The following MUC17 variants were observed in gnomAD, a reference collection of about 807,000 sequenced individuals.
MUC17 encodes the protein mucin-17.
In MUC17, 190 loss-of-function variants were observed where a neutral mutation model predicts 170.3. The observed-to-expected ratio is 1.12, with a 90% CI of 0.99 to 1.26. The LOEUF is 1.26. Ranked by LOEUF, MUC17 falls within the 50% of genes most tolerant of loss-of-function variation. MUC17 has a pLI of 0.00. For synonymous variants in MUC17, 2,325 were observed against 2,002.5 expected, an observed-to-expected ratio of 1.16 and a Z score of -4.30; for missense variants, 6,415 against 5,530.0, an observed-to-expected ratio of 1.16 and a Z score of -5.08.
chr7:101,039,843 T>TA lies in MUC17; in HGVS notation c.8428dup (p.Thr2810AsnfsTer5), dbSNP rs1794628547. On this transcript the variant is annotated frameshift_variant, in exon 3 of 13. Transcript: ENST00000306151. LOFTEE classifies it high-confidence loss of function. The stretch of plus-strand genomic sequence containing the variant: ...CAACCTCAACTCCTAGTGAAACAAG[T>TA]ACTCCATTAACTAGTATGCCTGTCA... The TA allele has an allele frequency of 1.2e-6, 2 of 1,608,898 alleles. No individual in the cohort carries two copies. Among genetic ancestry groups the TA allele is most frequent in the Non-Finnish European group, 1.7e-6 (2 of 1,178,028 alleles).
Position 101,056,199 on chromosome 7 carries a change from G to T in MUC17, c.13369G>T (p.Asp4457Tyr). The T allele has an allele frequency of 6.2e-7, 1 of 1,613,938 alleles. No homozygotes were observed. The highest frequency in any genetic ancestry group is 1.1e-5 in the South Asian group (1 of 91,078). The change falls in exon 12 of 13, where the codon GAT becomes TAT. Residue 4457 changes from aspartate to tyrosine, a missense_variant. Asp to Tyr is a radical substitution (Grantham distance 160, BLOSUM62 -3). Transcript: ENST00000306151. ...GCTTTCCATCCCTCCACAAGATGATGATTCCATCCACCTGGAGTCCATCTA... is the reference window on the plus strand; with the variant it reads ...GCTTTCCATCCCTCCACAAGATGATTATTCCATCCACCTGGAGTCCATCTA... ...NIGFDICQDD[D>Y]SIHLESIYSN...
chr7:101,035,266 C>T lies in MUC17; in HGVS notation c.3850C>T (p.Pro1284Ser). Residue 1284 changes from proline to serine, a missense_variant, in exon 3 of 13, where the codon CCT (proline) becomes TCT (serine). Coordinates refer to ENST00000306151, the MANE Select transcript of MUC17 (RefSeq NM_001040105.2). ...AGGAAGTACTCTATTAACAAGTATA[C>T]CTGTCAGCACCACGCTGGTGACCAG... ...SEGSTLLTSI[P>S]VSTTLVTSPE... 6.2e-7 allele frequency: 1 copy of T among 1,609,046 alleles called. No individual in the cohort carries two copies. Among genetic ancestry groups the T allele is most frequent in the Non-Finnish European group, 8.5e-7 (1 of 1,176,340 alleles).
Position 101,032,374 on chromosome 7 carries a change from G to A in MUC17, c.958G>A (p.Glu320Lys). 2 of 1,613,512 alleles carry A rather than the reference G, an allele frequency of 1.2e-6. No homozygotes were observed. Among genetic ancestry groups the A allele is most frequent in the Non-Finnish European group, 8.5e-7 (1 of 1,179,902 alleles). ...AGCCAGTTCATCTCCTACAACGGCT[G>A]AAGGCACCAGCATACCAACCTCAAC... The part of the protein sequence containing the change: ...TEASSSPTTA[E>K]GTSIPTSTYT... Residue 320 changes from glutamate (E) to lysine (K), a missense_variant, in exon 3 of 13, where the codon GAA (glutamate) becomes AAA (lysine). Coordinates refer to ENST00000306151, the MANE Select transcript of MUC17 (RefSeq NM_001040105.2).
At position 101,058,176 on chromosome 7, in the gene MUC17, T is replaced by A. The variant is rs1253263182; in HGVS notation, c.*132T>A. 2.8e-6 allele frequency: 2 copies of A among 724,646 alleles called. No individual in the cohort carries two copies. Among genetic ancestry groups the A allele is most frequent in the African/African-American group, 1.8e-5 (1 of 56,364 alleles). 44.9% of individuals were successfully genotyped at this position (724,646 alleles called of 1,614,324 possible). ...AAGTACAGGAAACAAGCCCTGTACTTACCAAGGAGAAAGAGGAGAGACAGC... is the reference window on the plus strand; with the variant it reads ...AAGTACAGGAAACAAGCCCTGTACTAACCAAGGAGAAAGAGGAGAGACAGC... On this transcript the variant is annotated 3_prime_UTR_variant, in exon 13 of 13. Transcript: ENST00000306151.
intron 11 of MUC17, among the ~76,000 whole-genome samples, chr7:101,055,213 A>G (rs1325459356): frequency 6.6e-6 from 1 of 152,180 alleles, no homozygotes; most frequent in African/African-American, 2.4e-5. Context: ...ACAAATCATA[A>G]TACACATAAG....
Position 101,048,722 on chromosome 7 carries a change from C to T in MUC17, c.12536-123C>T, listed in dbSNP as rs907360958. 2.8e-6 allele frequency: 3 copies of T among 1,052,938 alleles called. No homozygotes were observed. In the African/African-American group the frequency reaches 4.8e-5, roughly 17 times the overall value. 65.2% of individuals were successfully genotyped at this position (1,052,938 alleles called of 1,614,324 possible). A position where few individuals can be genotyped will look rare whatever the true frequency, so the allele number is the denominator to read the frequency against. ...AAAACAAGAAGGTGTATTTTGGATACAAATTTGGCACAAAATTTTACCATA... is the reference window on the plus strand; with the variant it reads ...AAAACAAGAAGGTGTATTTTGGATATAAATTTGGCACAAAATTTTACCATA... On this transcript the variant is annotated intron_variant, in intron 4 of 12. Coordinates refer to ENST00000306151, the MANE Select transcript of MUC17 (RefSeq NM_001040105.2).
intron 1 of MUC17, among the ~76,000 whole-genome samples, chr7:101,020,678 G>A (rs1794059286): frequency 6.6e-6 from 1 of 152,092 alleles, no homozygotes; most frequent in African/African-American, 2.4e-5. Context: ...ATGTTTCCGG[G>A]ACATAGCCAC....
rs764338899 is a variant in MUC17, at chr7:101,037,816, A to G, written c.6400A>G (p.Ile2134Val). Residue 2134 changes from isoleucine to valine, a missense_variant, in exon 3 of 13, where the codon ATC becomes GTC. Ile to Val is a conservative substitution (Grantham distance 29). Transcript: ENST00000306151. ...TTPVDSNSPV[I>V]TSTEVSSSPI... ...TCCTGTTGACTCCAACAGTCCTGTG[A>G]TCACTTCTACTGAAGTCAGTTCATC... is the stretch of plus-strand genomic sequence containing the variant. 4.3e-6 allele frequency: 7 copies of G among 1,613,460 alleles called. No individual in the cohort carries two copies. The East Asian group carries it at 6.7e-5, about 15-fold the overall frequency.
chr7:101,024,524 C>T (rs926654480), intron 1 of MUC17, among the ~76,000 whole-genome samples: 2 of 152,182 alleles, frequency 1.3e-5, no homozygotes, highest in Non-Finnish European at 2.9e-5. Context: ...CATCCCCATC[C>T]TCCCACCTCC....
chr7:101,031,162 T>G lies in MUC17; in HGVS notation c.125T>G (p.Ile42Ser), dbSNP rs1405446202. ...NRAVWDGGGC[I>S]SQGDVLNRQC... is the part of the protein sequence containing the mutation. ...GCTGTGTGGGATGGAGGAGGGTGCA[T>G]CTCCCAAGGGGACGTCTTGAACCGT... is the stretch of plus-strand genomic sequence containing the variant. Residue 42 changes from isoleucine to serine, a missense_variant, in exon 2 of 13, where the codon ATC becomes AGC. Physicochemically the swap from Ile to Ser is moderately radical, Grantham distance 142. Coordinates refer to ENST00000306151, the MANE Select transcript of MUC17 (RefSeq NM_001040105.2). 6.2e-7 allele frequency: 1 copy of G among 1,613,538 alleles called. No individual in the cohort carries two copies. Among genetic ancestry groups the G allele is most frequent in the Non-Finnish European group, 8.5e-7 (1 of 1,179,810 alleles).
At position 101,043,282 on chromosome 7, in the gene MUC17, GCAA is replaced by G. The variant is rs759989537; in HGVS notation, c.11871_11873del (p.Thr3958del). 20 of 1,613,962 alleles carry G rather than the reference GCAA, an allele frequency of 1.2e-5. No homozygotes were observed. Among genetic ancestry groups the G allele is most frequent in the Admixed American group, 1.2e-4 (7 of 59,986 alleles). On this transcript the variant is annotated inframe_deletion, in exon 3 of 13. Coordinates refer to ENST00000306151, the MANE Select transcript of MUC17 (RefSeq NM_001040105.2). ...CAGTTCTACTGCTGATGTCTTTCCTGCAACAACTGGTGCTGTATCTACCCCTGT... is the reference window on the plus strand; with the variant it reads ...CAGTTCTACTGCTGATGTCTTTCCTGCAACTGGTGCTGTATCTACCCCTGT...
In MUC17 at chr7:101,040,602, G is replaced by A. The variant is rs267601202; in HGVS notation, c.9186G>A (p.Glu3062=). Residue 3062 remains glutamate, a synonymous_variant, in exon 3 of 13, where the codon GAG becomes GAA. Coordinates refer to ENST00000306151, the MANE Select transcript of MUC17 (RefSeq NM_001040105.2). The stretch of plus-strand genomic sequence containing the variant: ...GCACCACGCCAGTGGCCATTCCTGA[G>A]GCTAGCACCCTTTCAACAACTCCTG... The part of the protein sequence containing the change: ...PVSTTPVAIP[E]ASTLSTTPVD... The A allele has an allele frequency of 6.2e-7, 1 of 1,612,110 alleles. No homozygotes were observed. The highest frequency in any genetic ancestry group is 8.5e-7 in the Non-Finnish European group (1 of 1,179,384).
At chr7:101,049,896 C>T (rs1056503483) in intron 6 of MUC17, among the ~76,000 whole-genome samples, 9 of 151,968 alleles carry the variant, frequency 5.9e-5, no homozygotes, top group African/African-American at 2.2e-4. Context: ...TTTGGGAGGC[C>T]GAGGTGGAAG....
chr7:101,037,112 C>G lies in MUC17; in HGVS notation c.5696C>G (p.Thr1899Ser). Residue 1899 changes from threonine to serine, a missense_variant, in exon 3 of 13, where the codon ACC becomes AGC. Physicochemically the swap from Thr to Ser is moderately conservative, Grantham distance 58. Coordinates refer to ENST00000306151, the MANE Select transcript of MUC17 (RefSeq NM_001040105.2). ...TTPAVTSTPVTTYAQVSSSPT... is the reference protein window; with the variant it reads ...TTPAVTSTPVSTYAQVSSSPT... ...CCCGCTGTCACCAGCACACCTGTGA[C>G]CACTTATGCTCAAGTCAGTTCATCT... 1.9e-6 allele frequency: 3 copies of G among 1,556,040 alleles called. No individual in the cohort carries two copies. Among genetic ancestry groups the G allele is most frequent in the Non-Finnish European group, 2.5e-6 (3 of 1,177,470 alleles).
chr7:101,039,395 C>T lies in MUC17; in HGVS notation c.7979C>T (p.Thr2660Ile). Reference protein sequence around the residue: ...ASTLSTTPVDTRTLVTTSTGT... With the variant: ...ASTLSTTPVDIRTLVTTSTGT... ...ACCCTTTCAACAACTCCTGTTGACA[C>T]CAGGACACTTGTGACCACTTCCACT... Residue 2660 changes from threonine to isoleucine, a missense_variant, in exon 3 of 13, where the codon ACC becomes ATC. Transcript: ENST00000306151. 2.5e-6 allele frequency: 4 copies of T among 1,612,136 alleles called. No homozygotes were observed. Among genetic ancestry groups the T allele is most frequent in the Non-Finnish European group, 3.4e-6 (4 of 1,179,238 alleles).
At position 101,035,092 on chromosome 7, in the gene MUC17, G is replaced by A; in HGVS notation, c.3676G>A (p.Val1226Ile). 3 of 1,612,156 alleles carry A rather than the reference G, an allele frequency of 1.9e-6. No homozygotes were observed. Among genetic ancestry groups the A allele is most frequent in the Non-Finnish European group, 2.5e-6 (3 of 1,179,224 alleles). The change falls in exon 3 of 13, where the codon GTC becomes ATC. Residue 1226 changes from valine to isoleucine, a missense_variant. Val to Ile is a conservative substitution (Grantham distance 29). Transcript: ENST00000306151. ...ERSTPLTSMP[V>I]RHTPVASSEA... Reference sequence around the variant, plus strand: ...AAGCACTCCATTAACAAGTATGCCTGTCAGACACACGCCAGTGGCCAGTTC... The same window carrying A: ...AAGCACTCCATTAACAAGTATGCCTATCAGACACACGCCAGTGGCCAGTTC...
Position 101,040,039 on chromosome 7 carries a change from C to G in MUC17, c.8623C>G (p.Pro2875Ala), listed in dbSNP as rs1179515200. The G allele has an allele frequency of 6.2e-7, 1 of 1,613,060 alleles. No homozygotes were observed. The highest frequency in any genetic ancestry group is 8.5e-7 in the Non-Finnish European group (1 of 1,179,746). ...AGGAAGTACTCTATTAACAAGTATA[C>G]CTGTCAGCACCACGCCGGTGGCCAG... ...SEGSTLLTSI[P>A]VSTTPVASSE... is the part of the protein sequence containing the mutation. The change falls in exon 3 of 13, where the codon CCT becomes GCT. Residue 2875 changes from proline to alanine, a missense_variant. Pro to Ala is a conservative substitution (Grantham distance 27). Transcript: ENST00000306151.
At chr7:101,053,628 A>C in intron 11 of MUC17, 192 bp downstream of exon 11, 1 of 492,126 alleles carries the variant, frequency 2.0e-6, no homozygotes, top group East Asian at 3.2e-5. Context: ...AAAAATAAAA[A>C]TAAAAAAGGG....
rs1794618672 is a variant in MUC17 at position 101,039,620 on chromosome 7, C to T, written c.8204C>T (p.Thr2735Ile). The T allele has an allele frequency of 6.2e-7, 1 of 1,612,900 alleles. No individual in the cohort carries two copies. Among genetic ancestry groups the T allele is most frequent in the Non-Finnish European group, 8.5e-7 (1 of 1,179,634 alleles). ...TSAEASSSPT[T>I]AEGTSMRIST... The stretch of plus-strand genomic sequence containing the variant: ...GCTGAAGCCAGTTCTTCTCCTACAA[C>T]TGCTGAAGGTACCAGCATGCGAATC... The change falls in exon 3 of 13, where the codon ACT (threonine) becomes ATT (isoleucine). Residue 2735 changes from threonine (T) to isoleucine (I), a missense_variant. Physicochemically the swap from Thr to Ile is moderately conservative, Grantham distance 89. Transcript: ENST00000306151.
Sources: gnomAD v4.1 joint callset for allele counts (sites outside exome capture counted in the v4.1 genomes callset) on GRCh38, gnomAD v4.1.1 for gene constraint, MANE v1.5 for transcripts, NCBI Gene and HGNC (gene_info 2026-07-23, HGNC 2026-07-21) for gene names.